The following SCN8A variants were observed in gnomAD, a reference collection of about 807,000 sequenced individuals.
SCN8A encodes sodium channel protein type 8 subunit alpha.
Under a neutral mutation model 184.1 loss-of-function variants are expected in SCN8A, and 30 were observed. The ratio of observed to expected loss-of-function variants is 0.16; its 90% CI spans 0.12 to 0.22. The LOEUF is 0.22. Ranked by LOEUF, SCN8A falls within the 10% of genes least tolerant of loss-of-function variation. The pLI, the probability that SCN8A is intolerant of heterozygous loss-of-function variation, is 1.00. For missense variants in SCN8A, 1,057 were observed against 2,498.9 expected (o/e 0.42, Z 12.30); for synonymous variants, 852 against 907.0 (o/e 0.94, Z 1.09).
At chr12:51,620,699 A>G (rs1252489763) in intron 1 of SCN8A, among the ~76,000 whole-genome samples, 2 of 151,880 alleles carry the variant, frequency 1.3e-5, no homozygotes, top group Non-Finnish European at 2.9e-5. Context: ...AAAAAAAAAA[A>G]GAAAAAAACT....
At chr12:51,609,262 G>A (rs1297701499) in intron 1 of SCN8A, among the ~76,000 whole-genome samples, 1 of 152,198 alleles carries the variant, frequency 6.6e-6, no homozygotes, top group Non-Finnish European at 1.5e-5. Context: ...TTATTCCAAG[G>A]TATTGTTTAA....
chr12:51,634,602 T>A (rs572648914), intron 1 of SCN8A, among the ~76,000 whole-genome samples: 60 of 150,916 alleles, frequency 4.0e-4, no homozygotes, highest in Non-Finnish European at 8.1e-4. Flanking sequence ...TATAGTTTTC[T>A]ATATTTTTCA....
At chr12:51,705,756 C>A in intron 10 of SCN8A, 133 bp downstream of exon 10, 1 of 750,142 alleles carries the variant, frequency 1.3e-6, no homozygotes, top group Non-Finnish European at 2.1e-6. Context: ...GAAAATAACC[C>A]AAGTAACAAC....
At chr12:51,788,043 A>C (rs1010405900) in intron 22 of SCN8A, among the ~76,000 whole-genome samples, 6 of 152,180 alleles carry the variant, frequency 3.9e-5, no homozygotes, top group Non-Finnish European at 8.8e-5. Context: ...GTGCCCTGAA[A>C]AAACCTTAGA....
intron 1 of SCN8A, among the ~76,000 whole-genome samples, chr12:51,660,976 A>G (rs566968997): frequency 5.9e-5 from 9 of 152,340 alleles, no homozygotes; most frequent in Admixed American, 1.3e-4. Flanking sequence ...AACTAGTCTT[A>G]GATCAGTAAA....
chr12:51,795,446 C>G (rs1938381381), intron 26 of SCN8A, among the ~76,000 whole-genome samples: 1 of 152,188 alleles, frequency 6.6e-6, no homozygotes, highest in South Asian at 2.1e-4. Flanking sequence ...AAGTTTGACT[C>G]ATTTACACTA....
chr12:51,666,862 T>A (rs1941043875), intron 2 of SCN8A, among the ~76,000 whole-genome samples: 1 of 152,186 alleles, frequency 6.6e-6, no homozygotes, highest in African/African-American at 2.4e-5. Context: ...GGTTTGGCTA[T>A]CATAAGTATC....
chr12:51,724,780 G>T (rs934744882), intron 12 of SCN8A, among the ~76,000 whole-genome samples: 2 of 152,184 alleles, frequency 1.3e-5, no homozygotes, highest in East Asian at 1.9e-4. Context: ...GAATAAAAAG[G>T]TATTAGAGAA....
At chr12:51,622,173 A>G (rs1219820650) in intron 1 of SCN8A, among the ~76,000 whole-genome samples, 3 of 152,226 alleles carry the variant, frequency 2.0e-5, no homozygotes, top group Non-Finnish European at 2.9e-5. Flanking sequence ...TTATTTTGGA[A>G]TAATTTTAGG....
At chr12:51,771,508 C>G (rs1415959170) in intron 19 of SCN8A, among the ~76,000 whole-genome samples, 2 of 151,914 alleles carry the variant, frequency 1.3e-5, no homozygotes, top group Admixed American at 1.3e-4. Flanking sequence ...GGAAGTTTCA[C>G]TGACTTGTGA....
intron 12 of SCN8A, among the ~76,000 whole-genome samples, chr12:51,743,491 A>G (rs1272009413): frequency 6.6e-6 from 1 of 152,176 alleles, no homozygotes; most frequent in African/African-American, 2.4e-5. Flanking sequence ...TTACGAGACA[A>G]AGATTTGTTC....
chr12:51,591,697 C>T (rs865777228), intron 1 of SCN8A, among the ~76,000 whole-genome samples: 2 of 152,150 alleles, frequency 1.3e-5, no homozygotes, highest in East Asian at 3.9e-4. Flanking sequence ...GCCCTCCATC[C>T]CTCCCTCAGT....
chr12:51,726,223 T>TC (rs1942153180), intron 12 of SCN8A, among the ~76,000 whole-genome samples: 2 of 152,240 alleles, frequency 1.3e-5, no homozygotes, highest in Non-Finnish European at 2.9e-5. Context: ...TTCCTGCGTC[T>TC]CCATCTCTGA....
intron 17 of SCN8A, 96 bp downstream of exon 17, chr12:51,769,431 A>G: frequency 2.5e-6 from 2 of 812,224 alleles, no homozygotes; most frequent in Non-Finnish European, 3.9e-6. Flanking sequence ...CTTGGTAGAG[A>G]GATTCTGGAA....
chr12:51,781,655 C>T (rs543671942), intron 21 of SCN8A, among the ~76,000 whole-genome samples: 9 of 151,234 alleles, frequency 6.0e-5, no homozygotes, highest in East Asian at 1.9e-4. Context: ...TGCACGCGCA[C>T]GCACGCGCAC....
chr12:51,594,285 A>G (rs952623795), intron 1 of SCN8A, among the ~76,000 whole-genome samples: 30 of 152,182 alleles, frequency 2.0e-4, no homozygotes, highest in African/African-American at 6.3e-4. Context: ...AAAAGGTAAT[A>G]TACATAAAGT....
chr12:51,705,720 T>C (rs1224305319), intron 10 of SCN8A, 97 bp downstream of exon 10: 1 of 1,097,754 alleles, frequency 9.1e-7, no homozygotes, highest in Non-Finnish European at 1.3e-6. Context: ...CTAGGCATAT[T>C]TTCAAATAGA....
At chr12:51,643,719 A>G (rs72644892) in intron 1 of SCN8A, among the ~76,000 whole-genome samples, 9,103 of 152,310 alleles carry the variant, frequency 0.06, 400 homozygotes, top group East Asian at 0.13. Flanking sequence ...ATATATTGAC[A>G]TTTCGTGTAA....
intron 9 of SCN8A, among the ~76,000 whole-genome samples, chr12:51,703,606 T>A (rs1412099887): frequency 6.6e-6 from 1 of 152,242 alleles, no homozygotes; most frequent in Non-Finnish European, 1.5e-5. Flanking sequence ...TCTGTTGGGC[T>A]ACACTGGTGA....
Sources: gnomAD v4.1 joint callset for allele counts (sites outside exome capture counted in the v4.1 genomes callset) on GRCh38, gnomAD v4.1.1 for gene constraint, MANE v1.5 for transcripts, NCBI Gene and HGNC (gene_info 2026-07-23, HGNC 2026-07-21) for gene names.